Variants in INTU observed in about 807,000 individuals in gnomAD.
INTU encodes inturned planar cell polarity protein.
A neutral mutation model predicts 100.5 loss-of-function variants in INTU; 68 were observed. That is an observed-to-expected ratio of 0.68 (90% CI 0.56 to 0.83). The LOEUF is 0.83. Among genes scored for constraint, INTU ranks in the 40% least tolerant of loss-of-function variants. The pLI, the probability that INTU is intolerant of heterozygous loss-of-function variation, is 0.00. For synonymous variants in INTU, 357 were observed against 395.7 expected (o/e 0.90, Z 1.16); for missense variants, 1,071 against 1,114.7 (o/e 0.96, Z 0.56).
chr4:127,684,520 A>G (rs780908431), intron 7 of INTU, 34 bp downstream of exon 7: 4 of 1,212,268 alleles, frequency 3.3e-6, no homozygotes, highest in Non-Finnish European at 4.8e-6. Context: ...CTCAAGTTTT[A>G]ATTATGTGAT....
At chr4:127,637,872 A>G (rs190001631) in intron 1 of INTU, among the ~76,000 whole-genome samples, 1 of 152,274 alleles carries the variant, frequency 6.6e-6, no homozygotes, top group African/African-American at 2.4e-5. Context: ...TGTGTTCCTG[A>G]TGTAGAAATG....
chr4:127,656,212 G>C (rs553380083), intron 2 of INTU, among the ~76,000 whole-genome samples: 11 of 152,080 alleles, frequency 7.2e-5, no homozygotes, highest in South Asian at 2.1e-4. Flanking sequence ...AGCTGTAGAC[G>C]GGAGCTGTTC....
intron 1 of INTU, among the ~76,000 whole-genome samples, chr4:127,637,414 G>C (rs1727120475): frequency 6.6e-6 from 1 of 152,098 alleles, no homozygotes; most frequent in Non-Finnish European, 1.5e-5. Flanking sequence ...TGATCTCCCT[G>C]TTCATTATTG....
At chr4:127,696,600 C>T (rs569597852) in intron 8 of INTU, among the ~76,000 whole-genome samples, 5 of 150,772 alleles carry the variant, frequency 3.3e-5, no homozygotes, top group South Asian at 4.3e-4. Flanking sequence ...GAAGCTTATA[C>T]GTTTTATTGA....
intron 8 of INTU, among the ~76,000 whole-genome samples, chr4:127,688,976 T>TCTTTTCTTTCTTTCTTTC (rs758036634): frequency 6.6e-5 from 7 of 106,122 alleles, no homozygotes; most frequent in African/African-American, 1.5e-4. Context: ...TCTTTCTTTT[T>TCTTTTCTTTCTTTCTTTC]TTTTTTTTTT....
Position 127,723,183 on chromosome 4 carries a change from T to A in INTU, c.*6747T>A, listed in dbSNP as rs1468476858. On this transcript the variant is annotated 3_prime_UTR_variant, in exon 16 of 16. Transcript: ENST00000335251. ...CTTGGCTGGACGAGGGAGTTCACTT[T>A]GCTGCGTGCAGTTCCTGGATGGGAT... is the stretch of plus-strand genomic sequence containing the variant. 1 of 152,134 alleles carries A rather than the reference T, an allele frequency of 6.6e-6. No individual in the cohort carries two copies. Among genetic ancestry groups the A allele is most frequent in the African/African-American group, 2.4e-5 (1 of 41,416 alleles). 9.4% of individuals were successfully genotyped at this position (152,134 alleles called of 1,614,324 possible).
intron 5 of INTU, among the ~76,000 whole-genome samples, chr4:127,669,812 A>C (rs991124386): frequency 2.0e-5 from 3 of 151,910 alleles, no homozygotes; most frequent in African/African-American, 7.2e-5. Context: ...AACTTGATTT[A>C]GGTTAAAGGC....
intron 6 of INTU, among the ~76,000 whole-genome samples, chr4:127,680,033 A>C (rs1006883491): frequency 5.9e-5 from 9 of 152,012 alleles, no homozygotes; most frequent in South Asian, 2.1e-4. Context: ...TGACACATAC[A>C]CCCTCCCAAG....
intron 2 of INTU, among the ~76,000 whole-genome samples, chr4:127,646,726 A>G (rs1727608357): frequency 6.6e-6 from 1 of 152,160 alleles, no homozygotes; most frequent in Non-Finnish European, 1.5e-5. Flanking sequence ...GCAAGTTGGT[A>G]CCATTATTCA....
intron 7 of INTU, chr4:127,685,862 C>A (rs1461214775): frequency 6.5e-6 from 1 of 152,696 alleles, no homozygotes; most frequent in Non-Finnish European, 1.5e-5. Flanking sequence ...ATTTCTCTTT[C>A]ATCTTGAAAT....
chr4:127,704,816 G>GAAAA (rs200028377), intron 10 of INTU, among the ~76,000 whole-genome samples: 4,584 of 152,064 alleles, frequency 0.03, 303 homozygotes, highest in East Asian at 0.27. Context: ...AGCTGGGCAT[G>GAAAA]GTGGCTCACA....
intron 8 of INTU, among the ~76,000 whole-genome samples, chr4:127,690,350 T>G (rs1359067461): frequency 6.6e-6 from 1 of 152,240 alleles, no homozygotes; most frequent in Non-Finnish European, 1.5e-5. Context: ...CTGTTGCTTA[T>G]CTTGCCAGTG....
At chr4:127,646,364 T>TTTA (rs1727588308) in intron 2 of INTU, among the ~76,000 whole-genome samples, 1 of 152,190 alleles carries the variant, frequency 6.6e-6, no homozygotes, top group Admixed American at 6.5e-5. Flanking sequence ...CCAGAATTCA[T>TTTA]TTAACGTGCC....
At chr4:127,653,886 C>T (rs1347512913) in intron 2 of INTU, among the ~76,000 whole-genome samples, 5 of 151,872 alleles carry the variant, frequency 3.3e-5, no homozygotes, top group African/African-American at 1.2e-4. Flanking sequence ...TCAGGACTTG[C>T]TTTATGAATC....
intron 2 of INTU, among the ~76,000 whole-genome samples, chr4:127,648,384 T>C (rs1401345937): frequency 6.6e-6 from 1 of 152,190 alleles, no homozygotes; most frequent in African/African-American, 2.4e-5. Context: ...AATTTTCTAC[T>C]AAACATTTAA....
At chr4:127,653,901 T>C (rs1012533124) in intron 2 of INTU, among the ~76,000 whole-genome samples, 1 of 151,880 alleles carries the variant, frequency 6.6e-6, no homozygotes, top group Admixed American at 6.5e-5. Flanking sequence ...TGAATCTGGG[T>C]GCTCCCGTGT....
intron 2 of INTU, among the ~76,000 whole-genome samples, chr4:127,655,021 C>G (rs983815269): frequency 9.2e-5 from 14 of 151,940 alleles, no homozygotes; most frequent in African/African-American, 3.4e-4. Context: ...GCATCGGCTC[C>G]TGAGGCTTCT....
chr4:127,717,261 A>T lies in INTU; in HGVS notation c.*825A>T, dbSNP rs1302533227. ...GTGTTTGGTTTTCTGTTCCTGCATT[A>T]GTTTGCTGAGGATAATGGCTTCCAG... On this transcript the variant is annotated 3_prime_UTR_variant, in exon 16 of 16. Transcript: ENST00000335251. 1 of 152,084 alleles carries T rather than the reference A, an allele frequency of 6.6e-6. No homozygotes were observed. The highest frequency in any genetic ancestry group is 2.4e-5 in the African/African-American group (1 of 41,408). The allele number at this position is 152,084 out of a possible 1,614,324, so 9.4% of individuals were successfully genotyped here. A position where few individuals can be genotyped will look rare whatever the true frequency, so the allele number is the denominator to read the frequency against.
chr4:127,676,227 T>C (rs148906252), intron 6 of INTU, among the ~76,000 whole-genome samples: 29 of 152,080 alleles, frequency 1.9e-4, no homozygotes, highest in African/African-American at 6.5e-4. Flanking sequence ...TAAAATAGGA[T>C]ACTGAACCCT....
Sources: allele counts gnomAD v4.1 joint callset (sites outside exome capture counted in the v4.1 genomes callset), GRCh38; gene constraint gnomAD v4.1.1; transcripts MANE v1.5; gene names NCBI Gene and HGNC (gene_info 2026-07-23, HGNC 2026-07-21).